ZFHX3: variants seen among roughly 807,000 people sequenced by gnomAD.
ZFHX3 encodes the protein zinc finger homeobox 3.
A neutral mutation model predicts 279.1 loss-of-function variants in ZFHX3; 42 were observed. The observed-to-expected ratio is 0.15, with a 90% CI of 0.12 to 0.19. The LOEUF (loss-of-function observed/expected upper bound fraction) is 0.19. Among genes scored for constraint, ZFHX3 ranks in the 10% least tolerant of loss-of-function variants. ZFHX3 has a pLI of 1.00. For missense variants in ZFHX3, 4,981 were observed against 4,754.0 expected (o/e 1.05, Z -1.40); for synonymous variants, 2,293 against 1,957.8 (o/e 1.17, Z -4.52).
chr16:73,552,007 G>A (rs550945537), intron 2 of ZFHX3, among the ~76,000 whole-genome samples: 2 of 152,266 alleles, frequency 1.3e-5, no homozygotes, highest in South Asian at 4.1e-4. Flanking sequence ...GTGTCTGTGA[G>A]TGAATGAGTG....
rs2035550515 is a variant in ZFHX3 at position 72,788,428 on chromosome 16, A to T, written c.9848T>A (p.Val3283Glu). The T allele has an allele frequency of 6.2e-7, 1 of 1,614,190 alleles. No homozygotes were observed. Among genetic ancestry groups the T allele is most frequent in the Admixed American group, 1.7e-5 (1 of 60,022 alleles). ...CAGGGCCTGCAGCTGTGCAGGGTCT[A>T]CCGCATACTCCATGGTGGGCAGCGG... ...SAPLPTMEYA[V>E]DPAQLQALQA... Residue 3283 changes from valine (V) to glutamate (E), a missense_variant, in exon 10 of 10, where the codon GTA becomes GAA. Val to Glu is a moderately radical substitution (Grantham distance 121). Transcript: ENST00000268489.
At chr16:73,436,509 G>A (rs1245282447) in intron 3 of ZFHX3, among the ~76,000 whole-genome samples, 1 of 152,068 alleles carries the variant, frequency 6.6e-6, no homozygotes, top group Admixed American at 6.6e-5. Flanking sequence ...GAACAGTATG[G>A]GAGAAACCAC....
intron 3 of ZFHX3, among the ~76,000 whole-genome samples, chr16:73,403,639 A>T (rs1015347180): frequency 2.4e-4 from 36 of 152,330 alleles, no homozygotes; most frequent in African/African-American, 8.2e-4. Context: ...GAGTTGAACA[A>T]TAGGAAAACT....
At chr16:73,145,547 G>T (rs1276566591) in intron 5 of ZFHX3, among the ~76,000 whole-genome samples, 2 of 152,236 alleles carry the variant, frequency 1.3e-5, no homozygotes, top group Non-Finnish European at 2.9e-5. Flanking sequence ...TGTTGATGGA[G>T]AGCCAGTTCT....
chr16:73,532,928 G>A (rs930411341), intron 2 of ZFHX3, among the ~76,000 whole-genome samples: 4 of 152,234 alleles, frequency 2.6e-5, no homozygotes, highest in South Asian at 2.1e-4. Flanking sequence ...GTAAAGGGGG[G>A]GCCTTCTGCC....
At chr16:73,749,647 G>A (rs989187211) in intron 1 of ZFHX3, among the ~76,000 whole-genome samples, 2 of 152,102 alleles carry the variant, frequency 1.3e-5, no homozygotes, top group Non-Finnish European at 2.9e-5. Flanking sequence ...ACTATACTAC[G>A]TATAACTGTG....
In ZFHX3 at chr16:72,815,121, G is replaced by C. The variant is rs141114579; in HGVS notation, c.3530-3083C>G. Among the ~76,000 whole-genome samples the C allele has an allele frequency of 4.6e-3, 695 of 152,264 alleles. 11 individuals are homozygous for C. The highest frequency in any genetic ancestry group is 0.015 in the African/African-American group (630 of 41,544). Reference sequence around the variant, plus strand: ...TGTAGATGGGCAAACAGTTGTGCAAGTTCTGGCAAGGTGCAGTGGCTCACG... The same window carrying C: ...TGTAGATGGGCAAACAGTTGTGCAACTTCTGGCAAGGTGCAGTGGCTCACG... On this transcript the variant is annotated intron_variant, in intron 5 of 9. Transcript: ENST00000268489.
At chr16:72,968,744 T>C (rs1235984384) in intron 1 of ZFHX3, among the ~76,000 whole-genome samples, 1 of 152,218 alleles carries the variant, frequency 6.6e-6, no homozygotes, top group Non-Finnish European at 1.5e-5. Flanking sequence ...ATTACAGGCA[T>C]GAGCCACTGT....
At chr16:73,082,686 G>T (rs1965963653) in intron 8 of ZFHX3, among the ~76,000 whole-genome samples, 1 of 152,102 alleles carries the variant, frequency 6.6e-6, no homozygotes, top group Non-Finnish European at 1.5e-5. Context: ...CGAGGGAAGT[G>T]GTGTGCCTGG....
At chr16:73,328,163 G>C (rs1438008215) in intron 3 of ZFHX3, among the ~76,000 whole-genome samples, 2 of 151,996 alleles carry the variant, frequency 1.3e-5, no homozygotes, top group African/African-American at 4.8e-5. Context: ...AATAGTCTTG[G>C]ATTCTTGGAT....
intron 1 of ZFHX3, among the ~76,000 whole-genome samples, chr16:73,757,262 C>T (rs1340373389): frequency 1.3e-5 from 2 of 152,124 alleles, no homozygotes; most frequent in African/African-American, 2.4e-5. Context: ...TCAGGAATTC[C>T]GTGGGGTCCC....
chr16:72,967,353 C>A (rs1961891441), intron 1 of ZFHX3, among the ~76,000 whole-genome samples: 1 of 151,954 alleles, frequency 6.6e-6, no homozygotes, highest in Non-Finnish European at 1.5e-5. Flanking sequence ...GTTGGAGGGG[C>A]TCCCAGTGGC....
intron 3 of ZFHX3, among the ~76,000 whole-genome samples, chr16:73,373,263 C>T (rs764525566): frequency 1.4e-4 from 22 of 152,040 alleles, no homozygotes; most frequent in African/African-American, 4.6e-4. Flanking sequence ...GCCCTTTGGC[C>T]GAATTGTGCT....
At chr16:72,839,688 G>A (rs1333201663) in intron 4 of ZFHX3, among the ~76,000 whole-genome samples, 2 of 151,868 alleles carry the variant, frequency 1.3e-5, no homozygotes, top group Non-Finnish European at 2.9e-5. Flanking sequence ...GTATTTATTT[G>A]CTCATCAGAA....
chr16:73,109,069 C>T (rs1966339838), intron 7 of ZFHX3, among the ~76,000 whole-genome samples: 1 of 152,218 alleles, frequency 6.6e-6, no homozygotes, highest in African/African-American at 2.4e-5. Flanking sequence ...CCCTCCACAG[C>T]CAGCCTGAGG....
chr16:73,220,259 G>A (rs911166221), intron 5 of ZFHX3, among the ~76,000 whole-genome samples: 1 of 152,064 alleles, frequency 6.6e-6, no homozygotes, highest in Non-Finnish European at 1.5e-5. Context: ...CTTACTACCT[G>A]GGTGATGGGA....
At chr16:73,473,971 T>C (rs568142980) in intron 2 of ZFHX3, among the ~76,000 whole-genome samples, 1 of 152,192 alleles carries the variant, frequency 6.6e-6, no homozygotes, top group South Asian at 2.1e-4. Flanking sequence ...ATTGGATTTG[T>C]TTCTGTGCCC....
At chr16:73,622,540 C>T (rs149189487) in intron 2 of ZFHX3, among the ~76,000 whole-genome samples, 5 of 151,322 alleles carry the variant, frequency 3.3e-5, no homozygotes, top group East Asian at 2.0e-4. Flanking sequence ...CCAGCTTGGG[C>T]GACAGAGTGA....
At chr16:73,147,624 G>C (rs1228964040) in intron 5 of ZFHX3, among the ~76,000 whole-genome samples, 2 of 146,900 alleles carry the variant, frequency 1.4e-5, no homozygotes, top group African/African-American at 5.0e-5. Context: ...CCCGGGAGGC[G>C]GAGCTTGCAG....
Sources: gnomAD v4.1 joint callset for allele counts (sites outside exome capture counted in the v4.1 genomes callset) on GRCh38, gnomAD v4.1.1 for gene constraint, MANE v1.5 for transcripts, NCBI Gene and HGNC (gene_info 2026-07-23, HGNC 2026-07-21) for gene names.